Variants in JUP observed in about 807,000 individuals in gnomAD.
JUP encodes the protein junction plakoglobin, also known as catenin (cadherin-associated protein), gamma 80kDa.
Under a neutral mutation model 71.1 loss-of-function variants are expected in JUP, and 28 were observed. The ratio of observed to expected loss-of-function variants is 0.39; its 90% CI spans 0.29 to 0.54. The LOEUF (loss-of-function observed/expected upper bound fraction) is 0.54, where lower values mean the gene tolerates loss of function less well. JUP is among the 20% of genes least tolerant of loss of function. JUP has a pLI of 0.62. For synonymous variants in JUP, 401 were observed against 438.9 expected (o/e 0.91, Z 1.08); for missense variants, 869 against 1,030.1 (o/e 0.84, Z 2.14).
chr17:41,783,779 G>T (rs539546243), intron 1 of JUP, among the ~76,000 whole-genome samples: 13 of 151,472 alleles, frequency 8.6e-5, no homozygotes, highest in Non-Finnish European at 1.6e-4. Context: ...ATCAGCCGGG[G>T]GTGGTGGCAC....
At chr17:41,757,294 G>GATCCAATT (rs1224840207) in intron 12 of JUP, 121 bp downstream of exon 12, 1 of 1,117,158 alleles carries the variant, frequency 9.0e-7, no homozygotes, top group Non-Finnish European at 1.4e-6. Context: ...TGTTATAAAT[G>GATCCAATT]ATCCAATTAC....
At chr17:41,758,581 A>G in intron 9 of JUP, 63 bp from the exon 10 acceptor site, 1 of 1,588,136 alleles carries the variant, frequency 6.3e-7, no homozygotes, top group Non-Finnish European at 8.6e-7. Flanking sequence ...ACTCCTCCCC[A>G]TGACAGCCGA....
At position 41,771,662 on chromosome 17, in the gene JUP, C is replaced by T. The variant is rs727503100; in HGVS notation, c.193G>A (p.Val65Met). ...GGGTCCTGACCTTGGCTGGGGGGCA[C>T]CCCCTGGGTGTAAGTGGTGGTTTTC... ...LKKTTTYTQG[V>M]PPSQGDLEYQ... is the part of the protein sequence containing the mutation. Residue 65 changes from valine to methionine, a missense_variant, in exon 2 of 14, where the codon GTG becomes ATG. Transcript: ENST00000393931. 1 of 1,613,364 alleles carries T rather than the reference C, an allele frequency of 6.2e-7. No individual in the cohort carries two copies. Among genetic ancestry groups the T allele is most frequent in the Non-Finnish European group, 8.5e-7 (1 of 1,179,962 alleles).
intron 1 of JUP, among the ~76,000 whole-genome samples, chr17:41,776,632 A>G (rs1174352196): frequency 2.0e-5 from 3 of 152,156 alleles, no homozygotes; most frequent in African/African-American, 7.2e-5. Context: ...GCATCACTTG[A>G]GCCCAGGTGA....
intron 1 of JUP, among the ~76,000 whole-genome samples, chr17:41,778,392 C>G (rs1555609357): frequency 1.3e-5 from 2 of 151,932 alleles, no homozygotes; most frequent in Admixed American, 6.6e-5. Context: ...ATGGCGAAAC[C>G]CTGTCTCTAC....
intron 1 of JUP, among the ~76,000 whole-genome samples, chr17:41,783,850 C>G (rs1407689477): frequency 8.3e-6 from 1 of 120,924 alleles, no homozygotes; most frequent in East Asian, 2.6e-4. Context: ...ACCCAGGAGG[C>G]GGAGGTTGCA....
chr17:41,776,044 G>A (rs1555608563), intron 1 of JUP: 1 of 968,444 alleles, frequency 1.0e-6, no homozygotes, highest in Non-Finnish European at 1.2e-6. Context: ...TCTAGGCTGG[G>A]TTGCAGGGCA....
Position 41,769,615 on chromosome 17 carries a change from G to A in JUP, c.271C>T (p.Pro91Ser). The A allele has an allele frequency of 6.2e-7, 1 of 1,605,784 alleles. No individual in the cohort carries two copies. Among genetic ancestry groups the A allele is most frequent in the Non-Finnish European group, 8.5e-7 (1 of 1,177,032 alleles). ...RAKRVREAMCPGVSGEDSSLL... is the reference protein window; with the variant it reads ...RAKRVREAMCSGVSGEDSSLL... ...GAGCTGTCCTCGCCTGACACACCAG[G>A]GCACATGGCCTCCCGCACCCGTTTG... Residue 91 changes from proline to serine, a missense_variant, in exon 3 of 14, where the codon CCT becomes TCT. Transcript: ENST00000393931.
chr17:41,764,467 G>A (rs782729048), intron 7 of JUP, among the ~76,000 whole-genome samples: 2 of 144,168 alleles, frequency 1.4e-5, no homozygotes, highest in East Asian at 2.0e-4. Context: ...CCCAGGAGGC[G>A]GAGCTTGCAG....
intron 1 of JUP, among the ~76,000 whole-genome samples, chr17:41,773,683 G>T (rs1312105785): frequency 6.6e-6 from 1 of 152,276 alleles, no homozygotes; most frequent in East Asian, 1.9e-4. Context: ...CAGGGGCAAT[G>T]GTGGGGGGCG....
intron 4 of JUP, 44 bp from the exon 5 acceptor site, chr17:41,767,624 C>T (rs1555604664): frequency 6.6e-7 from 1 of 1,526,562 alleles, no homozygotes; most frequent in Non-Finnish European, 9.0e-7. Flanking sequence ...TCCCAGAGGC[C>T]TGGCATACAT....
chr17:41,775,760 G>A (rs1164820746), intron 1 of JUP, among the ~76,000 whole-genome samples: 13 of 152,198 alleles, frequency 8.5e-5, no homozygotes, highest in African/African-American at 2.2e-4. Context: ...GAAGGAAGAC[G>A]GGCCCTGGAG....
At chr17:41,781,233 T>C (rs1361217085) in intron 1 of JUP, among the ~76,000 whole-genome samples, 1 of 149,918 alleles carries the variant, frequency 6.7e-6, no homozygotes, top group African/African-American at 2.5e-5. Flanking sequence ...CAGGCGCTTG[T>C]AGTCCCAGCT....
At chr17:41,765,994 G>A (rs1485928591) in intron 5 of JUP, among the ~76,000 whole-genome samples, 1 of 152,194 alleles carries the variant, frequency 6.6e-6, no homozygotes, top group Non-Finnish European at 1.5e-5. Flanking sequence ...GGTGGCCCAT[G>A]ACTTTAATCC....
At chr17:41,769,252 G>A (rs1916198539) in intron 3 of JUP, 45 bp from the exon 4 acceptor site, 5 of 1,581,902 alleles carry the variant, frequency 3.2e-6, no homozygotes, top group Non-Finnish European at 3.4e-6. Flanking sequence ...CTAAGGAGAG[G>A]CCGGGATACC....
intron 2 of JUP, among the ~76,000 whole-genome samples, chr17:41,770,723 A>T (rs1916518546): frequency 6.6e-6 from 1 of 152,218 alleles, no homozygotes. Context: ...CCAGAGGGGC[A>T]GGGGAGGCTT....
intron 8 of JUP, among the ~76,000 whole-genome samples, chr17:41,762,176 A>AGAGTGTGTGAGT (rs1914988239): frequency 2.2e-5 from 1 of 44,802 alleles, no homozygotes; most frequent in Non-Finnish European, 3.7e-5. Flanking sequence ...AGAGAGAGAG[A>AGAGTGTGTGAGT]GTGTGTGTGT....
intron 2 of JUP, among the ~76,000 whole-genome samples, chr17:41,771,178 T>G (rs1392241733): frequency 6.6e-6 from 1 of 152,114 alleles, no homozygotes; most frequent in Non-Finnish European, 1.5e-5. Context: ...TACAGGTGCA[T>G]GCGCCACCAC....
chr17:41,763,416 G>A, intron 7 of JUP, 95 bp from the exon 8 acceptor site: 1 of 866,198 alleles, frequency 1.2e-6, no homozygotes, highest in Non-Finnish European at 1.9e-6. Flanking sequence ...ACCTAAAGGG[G>A]TCAGCCCTGC....
Sources: allele counts gnomAD v4.1 joint callset (sites outside exome capture counted in the v4.1 genomes callset), GRCh38; gene constraint gnomAD v4.1.1; transcripts MANE v1.5; gene names NCBI Gene and HGNC (gene_info 2026-07-23, HGNC 2026-07-21).